PSMA1: variants seen among roughly 807,000 people sequenced by gnomAD.
The protein encoded by PSMA1 is proteasome subunit alpha type-1.
A neutral mutation model predicts 38.4 loss-of-function variants in PSMA1; 3 were observed. That is an observed-to-expected ratio of 0.08 (90% CI 0.04 to 0.20). PSMA1 has a LOEUF of 0.20. Ranked by LOEUF, PSMA1 falls within the 10% of genes least tolerant of loss-of-function variation. PSMA1 has a pLI of 1.00. For synonymous variants in PSMA1, 101 were observed against 107.1 expected (o/e 0.94, Z 0.35); for missense variants, 227 against 325.3 (o/e 0.70, Z 2.32).
chr11:14,590,832 G>A (rs796980219), intron 2 of PSMA1, among the ~76,000 whole-genome samples: 8 of 152,342 alleles, frequency 5.3e-5, no homozygotes, highest in African/African-American at 1.9e-4. Flanking sequence ...TTCTCTCACA[G>A]ACTCACAATT....
intron 2 of PSMA1, among the ~76,000 whole-genome samples, chr11:14,576,238 T>C (rs868332694): frequency 6.6e-6 from 1 of 152,144 alleles, no homozygotes; most frequent in Non-Finnish European, 1.5e-5. Flanking sequence ...TTGCCTGTTC[T>C]CTCTGATGGT....
rs1217942797 is a variant in PSMA1 at position 14,631,471 on chromosome 11, C to T, written c.-166+11984G>A. Among the ~76,000 whole-genome samples the T allele has an allele frequency of 5.3e-5, 8 of 152,052 alleles. No individual in the cohort carries two copies. The South Asian group carries it at 6.2e-4, about 12-fold the overall frequency. On this transcript the variant is annotated intron_variant, in intron 1 of 10. Coordinates refer to the PSMA1 transcript ENST00000418988. The stretch of plus-strand genomic sequence containing the variant: ...GTTGTTCAGTTTCCATGTAGTTGAG[C>T]GGTTTTGAGTGAGATTCTTAATCCT...
chr11:14,571,020 G>C (rs1429332955), intron 2 of PSMA1, among the ~76,000 whole-genome samples: 1 of 152,110 alleles, frequency 6.6e-6, no homozygotes, highest in Non-Finnish European at 1.5e-5. Flanking sequence ...AGAAGAAACT[G>C]TACAAGCCAG....
intron 2 of PSMA1, among the ~76,000 whole-genome samples, chr11:14,601,689 C>A (rs1032752395): frequency 4.6e-5 from 7 of 152,070 alleles, no homozygotes; most frequent in Non-Finnish European, 8.8e-5. Context: ...TTTATAGATG[C>A]CTTAAGAAGC....
chr11:14,530,893 C>A (rs1851640061), intron 2 of PSMA1, among the ~76,000 whole-genome samples: 1 of 124,636 alleles, frequency 8.0e-6, no homozygotes, highest in African/African-American at 3.2e-5. Context: ...CAGGTCAAGA[C>A]TCCGTCTCAA....
At chr11:14,621,558 A>G (rs2133711263) in intron 1 of PSMA1, among the ~76,000 whole-genome samples, 1 of 152,310 alleles carries the variant, frequency 6.6e-6, no homozygotes, top group South Asian at 2.1e-4. Flanking sequence ...GGCATGAGCC[A>G]CCACATTTGG....
rs1038077848 is a variant in PSMA1 at position 14,597,435 on chromosome 11, C to A, written c.21+13531G>T. Among the ~76,000 whole-genome samples, 7 of 152,252 alleles carry A rather than the reference C, an allele frequency of 4.6e-5. No homozygotes were observed. The East Asian group carries it at 1.3e-3, about 29-fold the overall frequency. On this transcript the variant is annotated intron_variant, in intron 2 of 10. Transcript: ENST00000418988. ...CTCAATTTCAGAGCCTGTTATTGGT[C>A]TATTCAGAGATTCAACTTCTTCCTG... is the stretch of plus-strand genomic sequence containing the variant.
At chr11:14,604,899 G>C (rs1007086538) in intron 2 of PSMA1, among the ~76,000 whole-genome samples, 1 of 152,142 alleles carries the variant, frequency 6.6e-6, no homozygotes, top group African/African-American at 2.4e-5. Context: ...TTTTATGGCT[G>C]TGTAGTATTC....
Position 14,507,666 on chromosome 11 carries a change from C to G in PSMA1, c.725G>C (p.Arg242Thr). 1 of 1,601,140 alleles carries G rather than the reference C, an allele frequency of 6.2e-7. No homozygotes were observed. Among genetic ancestry groups the G allele is most frequent in the South Asian group, 1.1e-5 (1 of 90,770 alleles). ...GTTATGATTATATACCTGTGCCTTT[C>G]TCTGTGGTCTTTCTTCAAGACCTTC... Reference protein sequence around the residue: ...FLEGLEERPQRKAQPAQPADE... With the variant: ...FLEGLEERPQTKAQPAQPADE... The change falls in exon 9 of 10, where the codon AGA (arginine) becomes ACA (threonine). Residue 242 changes from arginine to threonine, a missense_variant. Coordinates refer to ENST00000396394, the MANE Select transcript of PSMA1 (RefSeq NM_002786.4).
At chr11:14,532,247 C>T (rs190124233) in intron 2 of PSMA1, among the ~76,000 whole-genome samples, 11 of 152,210 alleles carry the variant, frequency 7.2e-5, no homozygotes, top group Admixed American at 3.9e-4. Flanking sequence ...TCCCTATTTT[C>T]GACCTGTTCA....
intron 1 of PSMA1, among the ~76,000 whole-genome samples, chr11:14,626,318 C>G (rs1459230336): frequency 6.6e-6 from 1 of 152,168 alleles, no homozygotes; most frequent in African/African-American, 2.4e-5. Context: ...CATTTTGTTA[C>G]TGCCTAGTCA....
At chr11:14,609,470 T>C (rs953084755) in intron 2 of PSMA1, among the ~76,000 whole-genome samples, 9 of 152,300 alleles carry the variant, frequency 5.9e-5, no homozygotes, top group Admixed American at 5.9e-4. Flanking sequence ...ATTAAATATT[T>C]AACATATTAG....
At chr11:14,629,450 T>C (rs1417574164) in intron 1 of PSMA1, among the ~76,000 whole-genome samples, 1 of 152,032 alleles carries the variant, frequency 6.6e-6, no homozygotes. Flanking sequence ...CTTGTTTTTC[T>C]CAGGTTTGTC....
intron 1 of PSMA1, among the ~76,000 whole-genome samples, chr11:14,611,881 G>T (rs1201206108): frequency 6.6e-6 from 1 of 152,114 alleles, no homozygotes; most frequent in African/African-American, 2.4e-5. Flanking sequence ...GAGTGGAATA[G>T]AACTTTTGGA....
upstream of PSMA1, among the ~76,000 whole-genome samples, chr11:14,521,245 C>T (rs1041461807): frequency 9.5e-5 from 13 of 137,342 alleles, no homozygotes; most frequent in African/African-American, 3.6e-4. Context: ...ATCGCTTGAA[C>T]CCAGGAGTTT....
intron 1 of PSMA1, among the ~76,000 whole-genome samples, chr11:14,623,349 C>A (rs1052094396): frequency 6.6e-6 from 1 of 152,154 alleles, no homozygotes; most frequent in Non-Finnish European, 1.5e-5. Context: ...GCATTACAAC[C>A]ACATTCAAGG....
chr11:14,636,402 CT>C (rs1853113837), intron 1 of PSMA1, among the ~76,000 whole-genome samples: 1 of 152,194 alleles, frequency 6.6e-6, no homozygotes, highest in Non-Finnish European at 1.5e-5. Context: ...CTCTTTCTAG[CT>C]TTGCTACTTC....
At chr11:14,579,204 T>G (rs1309212615) in intron 2 of PSMA1, among the ~76,000 whole-genome samples, 1 of 152,208 alleles carries the variant, frequency 6.6e-6, no homozygotes. Context: ...CTTTTACTAT[T>G]CTAGAGGACA....
chr11:14,541,029 G>A (rs1851768341), intron 2 of PSMA1, among the ~76,000 whole-genome samples: 1 of 152,068 alleles, frequency 6.6e-6, no homozygotes, highest in African/African-American at 2.4e-5. Context: ...CATAGCACAT[G>A]TATACATATG....
Sources: gnomAD v4.1 joint callset for allele counts (sites outside exome capture counted in the v4.1 genomes callset) on GRCh38, gnomAD v4.1.1 for gene constraint, MANE v1.5 for transcripts, NCBI Gene and HGNC (gene_info 2026-07-23, HGNC 2026-07-21) for gene names.